IPO11: variants seen among roughly 807,000 people sequenced by gnomAD.
IPO11 encodes importin 11, also known as importin-11.
IPO11 carries 66 observed loss-of-function variants against 143.2 expected under a neutral mutation model. That is an observed-to-expected ratio of 0.46 (90% CI 0.38 to 0.57). IPO11 has a LOEUF of 0.57. Ranked by LOEUF, IPO11 falls within the 20% of genes least tolerant of loss-of-function variation. The pLI, the probability that IPO11 is intolerant of heterozygous loss-of-function variation, is 0.00. For synonymous variants in IPO11, 385 were observed against 377.8 expected (o/e 1.02, Z -0.22); for missense variants, 1,026 against 1,141.0 (o/e 0.90, Z 1.45).
chr5:62,496,750 G>T (rs1741171951), intron 16 of IPO11, among the ~76,000 whole-genome samples: 1 of 152,072 alleles, frequency 6.6e-6, no homozygotes, highest in Admixed American at 6.5e-5. Flanking sequence ...AACACACATT[G>T]TGTATGTATG....
At chr5:62,575,142 C>T (rs2112391209) in intron 27 of IPO11, among the ~76,000 whole-genome samples, 1 of 152,304 alleles carries the variant, frequency 6.6e-6, no homozygotes, top group Middle Eastern at 3.4e-3. Context: ...CAGTAATGCT[C>T]ATGGACAAAT....
intron 7 of IPO11, 86 bp downstream of exon 7, chr5:62,470,394 C>A: frequency 8.5e-7 from 1 of 1,172,466 alleles, no homozygotes; most frequent in Non-Finnish European, 1.3e-6. Context: ...ATTTGGCATT[C>A]AATTAGAAGA....
intron 24 of IPO11, among the ~76,000 whole-genome samples, chr5:62,539,441 C>G (rs1355283358): frequency 3.9e-5 from 6 of 152,120 alleles, no homozygotes; most frequent in Non-Finnish European, 8.8e-5. Flanking sequence ...ATATCTTCAT[C>G]TTACCTTGAT....
chr5:62,440,808 C>A (rs1334511977), intron 2 of IPO11, among the ~76,000 whole-genome samples: 1 of 151,778 alleles, frequency 6.6e-6, no homozygotes, highest in Non-Finnish European at 1.5e-5. Flanking sequence ...GCTAAAAACA[C>A]AAAAATTAGC....
intron 1 of IPO11, chr5:62,419,063 A>T: frequency 1.3e-6 from 2 of 1,551,294 alleles, no homozygotes; most frequent in Non-Finnish European, 1.7e-6. Flanking sequence ...AGCTTATTGT[A>T]TCTAGGCTAT....
chr5:62,526,465 T>A (rs138121853), intron 21 of IPO11: 1 of 382,042 alleles, frequency 2.6e-6, no homozygotes, highest in African/African-American at 2.1e-5. Flanking sequence ...GACATTTCAA[T>A]AGGAACTCAG....
chr5:62,434,223 G>A (rs1184973351), intron 1 of IPO11, among the ~76,000 whole-genome samples: 2 of 152,028 alleles, frequency 1.3e-5, no homozygotes, highest in African/African-American at 2.4e-5. Flanking sequence ...TGTCATTCAC[G>A]TCTCTCATAA....
At chr5:62,591,523 AAAAG>A (rs1045756482) in intron 27 of IPO11, 50 bp from the exon 28 acceptor site, 2 of 1,052,226 alleles carry the variant, frequency 1.9e-6, no homozygotes, top group Admixed American at 2.7e-5. Flanking sequence ...AAAAAAAACA[AAAAG>A]AATTAATCTA....
intron 27 of IPO11, chr5:62,580,446 TCTTACAGC>T (rs1196525627): frequency 6.4e-7 from 1 of 1,551,446 alleles, no homozygotes; most frequent in Admixed American, 2.0e-5. Context: ...CATTTAATAA[TCTTACAGC>T]CTTGCATCCA....
intron 9 of IPO11, among the ~76,000 whole-genome samples, chr5:62,480,906 ATTTTTTTTTTTTTTT>A (rs34947365): frequency 1.2e-5 from 1 of 84,964 alleles, no homozygotes; most frequent in African/African-American, 5.0e-5. Context: ...TTCCTCTTTC[ATTTTTTTTTTTTTTT>A]TTTTTTTTTT....
chr5:62,475,341 C>G (rs531048114), intron 8 of IPO11, among the ~76,000 whole-genome samples: 1 of 152,078 alleles, frequency 6.6e-6, no homozygotes. Context: ...GGCAACATGA[C>G]GAAACCCTGT....
At chr5:62,506,114 G>T (rs1580258837) in intron 18 of IPO11, 127 bp from the exon 19 acceptor site, 1 of 526,616 alleles carries the variant, frequency 1.9e-6, no homozygotes, top group East Asian at 2.9e-5. Context: ...GTAATGCCAA[G>T]CTTTTGGCTG....
chr5:62,533,964 A>AAAAAG (rs56277060), intron 22 of IPO11, among the ~76,000 whole-genome samples: 70,966 of 148,500 alleles, frequency 0.48, 17,081 homozygotes, highest in South Asian at 0.53. Flanking sequence ...AAAAAAAAAA[A>AAAAAG]AAAGAAAGCC....
intron 19 of IPO11, among the ~76,000 whole-genome samples, chr5:62,513,660 C>T (rs1387726483): frequency 6.1e-5 from 9 of 146,676 alleles, no homozygotes; most frequent in African/African-American, 1.3e-4. Flanking sequence ...CCTCACCTCC[C>T]GGACAGGGCG....
chr5:62,445,165 G>T (rs1475233228), intron 3 of IPO11, among the ~76,000 whole-genome samples: 1 of 151,942 alleles, frequency 6.6e-6, no homozygotes, highest in Non-Finnish European at 1.5e-5. Context: ...ATAAACTTAA[G>T]ACTTTTTAAA....
At chr5:62,544,771 A>G (rs1445076200) in intron 24 of IPO11, among the ~76,000 whole-genome samples, 1 of 152,366 alleles carries the variant, frequency 6.6e-6, no homozygotes, top group Admixed American at 6.5e-5. Context: ...TACAAAATCA[A>G]TATGCAAAAA....
chr5:62,451,896 C>G lies in IPO11; in HGVS notation c.479C>G (p.Ser160Cys). The G allele has an allele frequency of 1.2e-6, 2 of 1,613,966 alleles. No homozygotes were observed. Among genetic ancestry groups the G allele is most frequent in the Non-Finnish European group, 1.7e-6 (2 of 1,179,814 alleles). The change falls in exon 5 of 30, where the codon TCT becomes TGT. Residue 160 changes from serine (S) to cysteine (C), a missense_variant. Ser to Cys is a moderately radical substitution (Grantham distance 112). Around this residue, in one of 5 missense-constraint regions of IPO11, gnomAD observed 429 missense variants for 456.3 expected, o/e 0.94. Transcript: ENST00000325324. ...TFYHVTKTLASKRLAADRKLF... is the reference protein window; with the variant it reads ...TFYHVTKTLACKRLAADRKLF... Reference sequence around the variant, plus strand: ...TATCATGTTACCAAGACACTGGCATCTAAACGACTTGCTGCTGATAGAAAA... The same window carrying G: ...TATCATGTTACCAAGACACTGGCATGTAAACGACTTGCTGCTGATAGAAAA...
intron 20 of IPO11, among the ~76,000 whole-genome samples, chr5:62,525,313 A>T (rs1404293385): frequency 6.6e-6 from 1 of 151,412 alleles, no homozygotes; most frequent in Non-Finnish European, 1.5e-5. Flanking sequence ...TTTTAAAAAG[A>T]ATTTGTTTGA....
intron 26 of IPO11, 187 bp from the exon 27 acceptor site, chr5:62,560,949 A>C (rs1010535236): frequency 4.7e-6 from 2 of 426,778 alleles, no homozygotes; most frequent in Admixed American, 8.9e-5. Context: ...AATTAGAGTC[A>C]GTTTCTGGTT....
Sources: allele counts gnomAD v4.1 joint callset (sites outside exome capture counted in the v4.1 genomes callset), GRCh38; gene constraint gnomAD v4.1.1; regional missense constraint gnomAD v4.1.1; transcripts MANE v1.5; gene names NCBI Gene and HGNC (gene_info 2026-07-23, HGNC 2026-07-21).